The following SLCO4C1 variants were observed in gnomAD, a reference collection of about 807,000 sequenced individuals.
SLCO4C1 encodes solute carrier organic anion transporter family member 4C1, also known as organic anion transporter M1.
A neutral mutation model predicts 72.1 loss-of-function variants in SLCO4C1; 58 were observed. The observed-to-expected ratio is 0.80, with a 90% CI of 0.65 to 1.00. SLCO4C1 has a LOEUF of 1.00. Among genes scored for constraint, SLCO4C1 ranks in the 50% least tolerant of loss-of-function variants. SLCO4C1 has a pLI of 0.00. For synonymous variants in SLCO4C1, 297 were observed against 312.5 expected (o/e 0.95, Z 0.52); for missense variants, 898 against 857.9 (o/e 1.05, Z -0.58).
At chr5:102,279,601 C>T (rs1008212012) in intron 2 of SLCO4C1, among the ~76,000 whole-genome samples, 2 of 151,756 alleles carry the variant, frequency 1.3e-5, no homozygotes, top group Non-Finnish European at 2.9e-5. Context: ...AACTACAAAG[C>T]CAAATAGAGA....
intron 10 of SLCO4C1, among the ~76,000 whole-genome samples, chr5:102,243,291 A>G (rs890146261): frequency 6.6e-6 from 1 of 152,162 alleles, no homozygotes; most frequent in Non-Finnish European, 1.5e-5. Context: ...CAAGCGAAGG[A>G]CACAAGCGTG....
chr5:102,291,217 C>A (rs1031039670), intron 2 of SLCO4C1, 126 bp downstream of exon 2: 2 of 954,852 alleles, frequency 2.1e-6, no homozygotes, highest in East Asian at 2.4e-5. Context: ...AATGAACAAA[C>A]CAGTGAGGTG....
intron 3 of SLCO4C1, among the ~76,000 whole-genome samples, chr5:102,266,365 T>C (rs1360010600): frequency 1.3e-5 from 2 of 152,134 alleles, no homozygotes; most frequent in Non-Finnish European, 2.9e-5. Context: ...AAAGTGGGCC[T>C]TCAGCCAGGC....
At chr5:102,258,757 C>A (rs1442962838) in intron 6 of SLCO4C1, among the ~76,000 whole-genome samples, 1 of 151,838 alleles carries the variant, frequency 6.6e-6, no homozygotes, top group African/African-American at 2.4e-5. Flanking sequence ...CACAAACACA[C>A]ACACACACCA....
chr5:102,254,069 CT>C (rs1748791042), intron 8 of SLCO4C1, among the ~76,000 whole-genome samples: 1 of 152,122 alleles, frequency 6.6e-6, no homozygotes, highest in Non-Finnish European at 1.5e-5. Flanking sequence ...TGCAAAATCT[CT>C]TTTTACCCAT....
In SLCO4C1 at chr5:102,260,336, T is replaced by C; in HGVS notation, c.1022-17A>G. 1 of 386,210 alleles carries C rather than the reference T, an allele frequency of 2.6e-6. No homozygotes were observed. Among genetic ancestry groups the C allele is most frequent in the Non-Finnish European group, 4.1e-6 (1 of 246,616 alleles). The allele number at this position is 386,210 out of a possible 1,614,324, so 23.9% of individuals were successfully genotyped here. A position where few individuals can be genotyped will look rare whatever the true frequency, so the allele number is the denominator to read the frequency against. On this transcript the variant is annotated splice_polypyrimidine_tract_variant and intron_variant, in intron 5 of 12. Coordinates refer to ENST00000310954, the MANE Select transcript of SLCO4C1 (RefSeq NM_180991.5). ...CTGCTGTACCTAAAAAAAAAATATA[T>C]ATATATATATAATATATATATTATA...
At chr5:102,256,916 T>A (rs1580247990) in intron 8 of SLCO4C1, among the ~76,000 whole-genome samples, 199 bp downstream of exon 8, 1 of 152,194 alleles carries the variant, frequency 6.6e-6, no homozygotes, top group South Asian at 2.1e-4. Flanking sequence ...TCCTTAAATG[T>A]TCTTTGTATA....
intron 2 of SLCO4C1, among the ~76,000 whole-genome samples, chr5:102,277,511 T>G (rs930544345): frequency 6.6e-6 from 1 of 152,124 alleles, no homozygotes; most frequent in Non-Finnish European, 1.5e-5. Flanking sequence ...CCATACTTCT[T>G]CTCTGTGGTG....
intron 10 of SLCO4C1, among the ~76,000 whole-genome samples, chr5:102,243,511 C>T (rs1748584326): frequency 6.6e-6 from 1 of 152,174 alleles, no homozygotes. Flanking sequence ...GGGAGAGAGA[C>T]TGCAAAAACC....
At chr5:102,247,745 C>T (rs1748661087) in intron 9 of SLCO4C1, among the ~76,000 whole-genome samples, 1 of 152,014 alleles carries the variant, frequency 6.6e-6, no homozygotes, top group Non-Finnish European at 1.5e-5. Context: ...GCACATTCTA[C>T]ACTTCTTTCA....
chr5:102,243,582 A>G (rs946509370), intron 10 of SLCO4C1, among the ~76,000 whole-genome samples: 2 of 152,208 alleles, frequency 1.3e-5, no homozygotes, highest in African/African-American at 4.8e-5. Context: ...AGAACACCCA[A>G]GTCCTTTCAA....
chr5:102,277,842 A>G (rs1749277220), intron 2 of SLCO4C1, among the ~76,000 whole-genome samples: 1 of 152,182 alleles, frequency 6.6e-6, no homozygotes, highest in South Asian at 2.1e-4. Flanking sequence ...AAAAACACTC[A>G]AAAAGTTATA....
At chr5:102,238,476 A>G (rs962565450) in intron 12 of SLCO4C1, among the ~76,000 whole-genome samples, 1 of 152,116 alleles carries the variant, frequency 6.6e-6, no homozygotes, top group Non-Finnish European at 1.5e-5. Flanking sequence ...CTATTACTCT[A>G]TCTCTATCAA....
At chr5:102,258,800 G>A (rs28441506) in intron 6 of SLCO4C1, among the ~76,000 whole-genome samples, 17,861 of 151,614 alleles carry the variant, frequency 0.12, 1,251 homozygotes, top group African/African-American at 0.16. Flanking sequence ...AGCAAGATGG[G>A]AGCTTTAGAA....
At chr5:102,270,140 C>T (rs185264865) in intron 3 of SLCO4C1, among the ~76,000 whole-genome samples, 2 of 152,070 alleles carry the variant, frequency 1.3e-5, no homozygotes, top group Non-Finnish European at 2.9e-5. Flanking sequence ...GTCTAGTTAG[C>T]TTTACCTTGC....
intron 12 of SLCO4C1, among the ~76,000 whole-genome samples, chr5:102,238,841 C>G (rs1748484943): frequency 6.6e-6 from 1 of 152,070 alleles, no homozygotes; most frequent in African/African-American, 2.4e-5. Flanking sequence ...TTACAACGTG[C>G]CTTGGAGACA....
chr5:102,246,241 C>A (rs180802231), intron 10 of SLCO4C1, among the ~76,000 whole-genome samples: 1 of 151,536 alleles, frequency 6.6e-6, no homozygotes, highest in African/African-American at 2.4e-5. Context: ...AAAAATTAAA[C>A]AAAATTGACA....
intron 10 of SLCO4C1, 98 bp downstream of exon 10, chr5:102,247,154 A>G: frequency 1.1e-6 from 1 of 888,192 alleles, no homozygotes; most frequent in Non-Finnish European, 1.6e-6. Flanking sequence ...TTGGTATTGA[A>G]CCAATGGTCA....
intron 2 of SLCO4C1, among the ~76,000 whole-genome samples, chr5:102,284,383 T>C (rs1229946451): frequency 2.0e-5 from 3 of 152,128 alleles, no homozygotes; most frequent in Admixed American, 1.3e-4. Context: ...ATAATAAAGT[T>C]TCTAAACTCA....
Sources: gnomAD v4.1 joint callset for allele counts (sites outside exome capture counted in the v4.1 genomes callset) on GRCh38, gnomAD v4.1.1 for gene constraint, MANE v1.5 for transcripts, NCBI Gene and HGNC (gene_info 2026-07-23, HGNC 2026-07-21) for gene names.